FRMPD1: variants seen among roughly 807,000 people sequenced by gnomAD.
The protein encoded by FRMPD1 is FERM and PDZ domain-containing protein 1.
Under a neutral mutation model 117.8 loss-of-function variants are expected in FRMPD1, and 76 were observed. The observed-to-expected ratio is 0.65, with a 90% CI of 0.54 to 0.78. FRMPD1 has a LOEUF of 0.78. Ranked by LOEUF, FRMPD1 falls within the 30% of genes least tolerant of loss-of-function variation. The pLI, the probability that FRMPD1 is intolerant of heterozygous loss-of-function variation, is 0.00. For missense variants in FRMPD1, 1,786 were observed against 1,964.5 expected (o/e 0.91, Z 1.72); for synonymous variants, 783 against 770.4 (o/e 1.02, Z -0.27).
chr9:37,663,311 G>A (rs1821055273), intron 1 of FRMPD1, among the ~76,000 whole-genome samples: 1 of 152,114 alleles, frequency 6.6e-6, no homozygotes. Flanking sequence ...GGTTCTTCAG[G>A]AAGTCTTTTG....
At chr9:37,630,662 C>T in the FRMPD1 span, among the ~76,000 whole-genome samples, 1 of 152,144 alleles carries the variant, frequency 6.6e-6, no homozygotes, top group Admixed American at 6.6e-5. Context: ...GTGGTCAGAT[C>T]GCTTGAGGCC....
Position 37,745,661 on chromosome 9 carries a change from T to G in FRMPD1, c.3629T>G (p.Phe1210Cys), listed in dbSNP as rs1824671330. 6.2e-7 allele frequency: 1 copy of G among 1,614,010 alleles called. No individual in the cohort carries two copies. Among genetic ancestry groups the G allele is most frequent in the African/African-American group, 1.3e-5 (1 of 74,912 alleles). The change falls in exon 16 of 16, where the codon TTC becomes TGC. Residue 1210 changes from phenylalanine to cysteine, a missense_variant. Physicochemically the swap from Phe to Cys is radical, Grantham distance 205 (BLOSUM62 -2). Coordinates refer to ENST00000377765, the MANE Select transcript of FRMPD1 (RefSeq NM_014907.3). ...GTAGAGTTGGATTTAGACCCTGATT[T>G]CTTTCTTGGGAAGCAGACAGTTTCA... is the stretch of plus-strand genomic sequence containing the variant. Reference protein sequence around the residue: ...LFVELDLDPDFFLGKQTVSPA... With the variant: ...LFVELDLDPDCFLGKQTVSPA...
intron 1 of FRMPD1, among the ~76,000 whole-genome samples, chr9:37,655,135 G>A (rs58423536): frequency 0.011 from 1,749 of 152,266 alleles, 36 homozygotes; most frequent in African/African-American, 0.04. Context: ...CTCCTCCCAA[G>A]CTGGAAACTA....
At position 37,733,775 on chromosome 9, in the gene FRMPD1, C is replaced by A. The variant is rs967196038; in HGVS notation, c.1168C>A (p.Leu390Ile). The change falls in exon 12 of 16, where the codon CTC becomes ATC. Residue 390 changes from leucine to isoleucine, a missense_variant. Leu to Ile is a conservative substitution (Grantham distance 5). Transcript: ENST00000377765. ...AQLRLNYLQILGELKTYGGRI... is the reference protein window; with the variant it reads ...AQLRLNYLQIIGELKTYGGRI... ...GCTACGTTTAAATTATCTACAGATCCTCGGAGAACTCAAGACATATGGTGG... is the reference window on the plus strand; with the variant it reads ...GCTACGTTTAAATTATCTACAGATCATCGGAGAACTCAAGACATATGGTGG... 6.2e-7 allele frequency: 1 copy of A among 1,606,952 alleles called. No homozygotes were observed. The highest frequency in any genetic ancestry group is 8.5e-7 in the Non-Finnish European group (1 of 1,173,592).
the FRMPD1 span, among the ~76,000 whole-genome samples, chr9:37,616,561 A>G: frequency 6.6e-6 from 1 of 152,216 alleles, no homozygotes; most frequent in Non-Finnish European, 1.5e-5. Context: ...CTGTTGCACC[A>G]TGAAAAAGAA....
At chr9:37,743,008 C>G (rs1229991475) in intron 15 of FRMPD1, among the ~76,000 whole-genome samples, 5 of 152,248 alleles carry the variant, frequency 3.3e-5, no homozygotes, top group Admixed American at 6.5e-5. Context: ...GATAAGGTTT[C>G]TAATAGCATA....
At chr9:37,699,492 G>A (rs1335119153) in intron 2 of FRMPD1, among the ~76,000 whole-genome samples, 1 of 151,094 alleles carries the variant, frequency 6.6e-6, no homozygotes, top group Admixed American at 6.6e-5. Flanking sequence ...GCTAATTTTT[G>A]TATTTTTGGA....
Position 37,737,110 on chromosome 9 carries a change from G to A in FRMPD1, c.1416G>A (p.Leu472=). The A allele has an allele frequency of 6.2e-7, 1 of 1,612,872 alleles. No individual in the cohort carries two copies. Among genetic ancestry groups the A allele is most frequent in the Non-Finnish European group, 8.5e-7 (1 of 1,178,960 alleles). Reference sequence around the variant, plus strand: ...TGCTTTCAAAGGTTCTGACTTTGCTGCTGGAATCCAACAGTGCAAAAGACC... The same window carrying A: ...TGCTTTCAAAGGTTCTGACTTTGCTACTGGAATCCAACAGTGCAAAAGACC... ...YLQDVKVLTL[L]LESNSAKDLA... is the part of the protein sequence containing the mutation. Residue 472 remains leucine, a synonymous_variant, in exon 14 of 16, where the codon CTG becomes CTA. Transcript: ENST00000377765.
At chr9:37,696,075 T>TTTTTTTTTTTA (rs752862883) in intron 2 of FRMPD1, among the ~76,000 whole-genome samples, 3 of 120,694 alleles carry the variant, frequency 2.5e-5, no homozygotes, top group Non-Finnish European at 3.4e-5. Flanking sequence ...TTTTTTTTTT[T>TTTTTTTTTTTA]AATATCTAGA....
At chr9:37,697,073 T>C (rs894541113) in intron 2 of FRMPD1, among the ~76,000 whole-genome samples, 18 of 152,214 alleles carry the variant, frequency 1.2e-4, no homozygotes, top group African/African-American at 4.1e-4. Flanking sequence ...CTGTGATTTC[T>C]TAAATTTTAG....
Position 37,719,190 on chromosome 9 carries a change from C to T in FRMPD1, c.516+14C>T. On this transcript the variant is annotated intron_variant, in intron 6 of 15. Transcript: ENST00000377765. ...GGACACAGCCAGGTGTGTCACTAGT[C>T]AAGGGATTGAAATTATGAAGCTGGC... 2 of 1,507,586 alleles carry T rather than the reference C, an allele frequency of 1.3e-6. No individual in the cohort carries two copies. The highest frequency in any genetic ancestry group is 1.8e-6 in the Non-Finnish European group (2 of 1,082,728). The allele number at this position is 1,507,586 out of a possible 1,614,324, so 93.4% of individuals were successfully genotyped here. A position where few individuals can be genotyped will look rare whatever the true frequency, so the allele number is the denominator to read the frequency against.
the FRMPD1 span, among the ~76,000 whole-genome samples, chr9:37,612,697 GACCA>G: frequency 6.6e-6 from 1 of 152,102 alleles, no homozygotes; most frequent in East Asian, 1.9e-4. Context: ...TCACCACATT[GACCA>G]GGCTGGTCTC....
Position 37,740,397 on chromosome 9 carries a change from C to G in FRMPD1, c.1869C>G (p.Ser623Arg). The G allele has an allele frequency of 2.5e-6, 4 of 1,613,970 alleles. No homozygotes were observed. The highest frequency in any genetic ancestry group is 3.4e-6 in the Non-Finnish European group (4 of 1,179,934). ...ATGACTTAGACACCTGCTCCTCCAG[C>G]AGGTCCACCTTCTTCCACTTTGGCT... ...EEDDLDTCSS[S>R]RSTFFHFGSP... Residue 623 changes from serine to arginine, a missense_variant, in exon 15 of 16, where the codon AGC becomes AGG. Physicochemically the swap from Ser to Arg is moderately radical, Grantham distance 110. Coordinates refer to ENST00000377765, the MANE Select transcript of FRMPD1 (RefSeq NM_014907.3). This position sits in a 1 kb window ranked among gnomAD's most constrained non-coding sequence, Gnocchi z 4.2.
At chr9:37,739,211 C>T (rs966559731) in intron 14 of FRMPD1, among the ~76,000 whole-genome samples, 3 of 152,066 alleles carry the variant, frequency 2.0e-5, no homozygotes, top group African/African-American at 4.8e-5. Flanking sequence ...GGCCTTAGGG[C>T]CATCCTTTGA....
At chr9:37,634,513 T>C in the FRMPD1 span, among the ~76,000 whole-genome samples, 1 of 152,252 alleles carries the variant, frequency 6.6e-6, no homozygotes, top group Non-Finnish European at 1.5e-5. Flanking sequence ...CCATGCAAAC[T>C]TCCTTCTCAT....
chr9:37,684,729 A>G (rs965558851), intron 1 of FRMPD1, among the ~76,000 whole-genome samples: 2 of 152,134 alleles, frequency 1.3e-5, no homozygotes, highest in African/African-American at 4.8e-5. Context: ...GGCACAAAAC[A>G]GGGAAAGAGT....
chr9:37,648,963 A>G (rs1820587328), upstream of FRMPD1, among the ~76,000 whole-genome samples: 1 of 152,084 alleles, frequency 6.6e-6, no homozygotes, highest in Admixed American at 6.5e-5. Context: ...AAGGAGGGAC[A>G]TGAGGGCAAT....
chr9:37,733,902 G>A, intron 12 of FRMPD1, 77 bp downstream of exon 12: 1 of 857,118 alleles, frequency 1.2e-6, no homozygotes, highest in East Asian at 2.4e-5. Context: ...GTGTCTTTTA[G>A]CCTAAAATTC....
intron 1 of FRMPD1, among the ~76,000 whole-genome samples, chr9:37,685,448 C>A (rs1224056510): frequency 6.6e-6 from 1 of 152,008 alleles, no homozygotes; most frequent in East Asian, 1.9e-4. Context: ...TCGAGACTAT[C>A]CTGGCTAACA....
Sources: allele counts gnomAD v4.1 joint callset (sites outside exome capture counted in the v4.1 genomes callset), GRCh38; gene constraint gnomAD v4.1.1; non-coding constraint Gnocchi (gnomAD v3.1); transcripts MANE v1.5; gene names NCBI Gene and HGNC (gene_info 2026-07-23, HGNC 2026-07-21).